Variants in PLD5 observed in about 807,000 individuals in gnomAD.
The protein encoded by PLD5 is inactive phospholipase D5.
PLD5 carries 36 observed loss-of-function variants against 61.1 expected under a neutral mutation model. The ratio of observed to expected loss-of-function variants is 0.59; its 90% CI spans 0.45 to 0.78. PLD5 has a LOEUF of 0.78. Ranked by LOEUF, PLD5 falls within the 30% of genes least tolerant of loss-of-function variation. PLD5 has a pLI of 0.00. For missense variants in PLD5, 515 were observed against 644.4 expected, an observed-to-expected ratio of 0.80 and a Z score of 2.17; for synonymous variants, 243 against 242.8, an observed-to-expected ratio of 1.00 and a Z score of -0.01.
chr1:242,187,908 G>C (rs1041202425), intron 5 of PLD5, among the ~76,000 whole-genome samples: 13 of 152,190 alleles, frequency 8.5e-5, no homozygotes, highest in African/African-American at 3.1e-4. Context: ...TAGAAATACA[G>C]ATAGGAGTGA....
Position 242,213,862 on chromosome 1 carries a change from T to G in PLD5, c.735+6126A>C, listed in dbSNP as rs1394059799. Among the ~76,000 whole-genome samples the G allele has an allele frequency of 2.6e-5, 3 of 115,438 alleles. 1 individual carries two copies. The highest frequency in any genetic ancestry group is 5.1e-4 in the East Asian group (2 of 3,936). 75.7% of individuals were successfully genotyped at this position (115,438 alleles called of 152,430 possible). On this transcript the variant is annotated intron_variant, in intron 5 of 9. Coordinates refer to ENST00000536534, the MANE Select transcript of PLD5 (RefSeq NM_001372062.1). The stretch of plus-strand genomic sequence containing the variant: ...CCAGCACTGTGCTTTCTAGAATGGG[T>G]TTTTTTTTTTTGCTCACATACCGGG...
At chr1:242,485,164 C>T (rs2102968097) in intron 1 of PLD5, among the ~76,000 whole-genome samples, 1 of 152,230 alleles carries the variant, frequency 6.6e-6, no homozygotes, top group Admixed American at 6.5e-5. Flanking sequence ...CAGGGATGCC[C>T]TCTCTCACCA....
chr1:242,172,470 A>C (rs944967229), intron 5 of PLD5, among the ~76,000 whole-genome samples: 1 of 152,222 alleles, frequency 6.6e-6, no homozygotes, highest in Non-Finnish European at 1.5e-5. Context: ...TAAAAGAACT[A>C]GAGAAGCAAG....
intron 9 of PLD5, among the ~76,000 whole-genome samples, chr1:242,097,601 T>A (rs564298827): frequency 6.6e-6 from 1 of 152,220 alleles, no homozygotes; most frequent in South Asian, 2.1e-4. Context: ...GGGGTTGTTT[T>A]TTTCTCGTAA....
At chr1:242,215,524 A>G (rs1670128489) in intron 5 of PLD5, among the ~76,000 whole-genome samples, 1 of 152,190 alleles carries the variant, frequency 6.6e-6, no homozygotes, top group South Asian at 2.1e-4. Flanking sequence ...CTCAAGACAT[A>G]AAACCTGCAG....
chr1:242,212,120 G>A (rs915205168), intron 5 of PLD5, among the ~76,000 whole-genome samples: 3 of 152,074 alleles, frequency 2.0e-5, no homozygotes, highest in Non-Finnish European at 1.5e-5. Flanking sequence ...GGAGAAGGAG[G>A]AAGAACCATC....
chr1:242,158,233 T>C (rs1665543753), intron 5 of PLD5, among the ~76,000 whole-genome samples: 1 of 152,162 alleles, frequency 6.6e-6, no homozygotes, highest in South Asian at 2.1e-4. Context: ...CATTAGATCT[T>C]AGTTTGCTGG....
intron 1 of PLD5, among the ~76,000 whole-genome samples, chr1:242,396,972 CT>C (rs1663618802): frequency 6.6e-6 from 1 of 152,068 alleles, no homozygotes; most frequent in South Asian, 2.1e-4. Flanking sequence ...GCTACCACCC[CT>C]GGTTCTATTT....
intron 5 of PLD5, among the ~76,000 whole-genome samples, chr1:242,213,060 C>T (rs1447478560): frequency 6.6e-6 from 1 of 152,186 alleles, no homozygotes; most frequent in Non-Finnish European, 1.5e-5. Context: ...GACTTACATG[C>T]TATTAATGCC....
intron 2 of PLD5, among the ~76,000 whole-genome samples, chr1:242,334,340 G>A (rs1285671320): frequency 2.0e-5 from 3 of 152,122 alleles, no homozygotes; most frequent in Admixed American, 2.0e-4. Context: ...CATCCCAGCA[G>A]GTTCAGGAAA....
chr1:242,396,972 C>T (rs558302395), intron 1 of PLD5, among the ~76,000 whole-genome samples: 1 of 152,184 alleles, frequency 6.6e-6, no homozygotes, highest in East Asian at 1.9e-4. Context: ...GCTACCACCC[C>T]TGGTTCTATT....
chr1:242,194,590 CTATCTATCTATCTATG>C (rs1335498978), intron 5 of PLD5, among the ~76,000 whole-genome samples: 3 of 73,390 alleles, frequency 4.1e-5, no homozygotes, highest in African/African-American at 6.6e-5. Context: ...ATCTATCTAT[CTATCTATCTATCTATG>C]TATCTATCTA....
intron 1 of PLD5, among the ~76,000 whole-genome samples, chr1:242,393,861 A>C (rs1177572659): frequency 1.4e-5 from 2 of 146,980 alleles, no homozygotes; most frequent in Non-Finnish European, 3.0e-5. Flanking sequence ...GGAGTTCGAG[A>C]CCAGCCTGGC....
intron 5 of PLD5, among the ~76,000 whole-genome samples, chr1:242,158,003 C>CT (rs144921392): frequency 0.11 from 16,473 of 152,230 alleles, 1,428 homozygotes; most frequent in African/African-American, 0.24. Flanking sequence ...CAGAGATGCC[C>CT]TTCCCAGAGG....
intron 1 of PLD5, among the ~76,000 whole-genome samples, chr1:242,391,611 A>G (rs1371235433): frequency 6.6e-6 from 1 of 152,216 alleles, no homozygotes; most frequent in Non-Finnish European, 1.5e-5. Flanking sequence ...TGACCAAAGA[A>G]AAGTTTCCAC....
At chr1:242,301,207 T>A (rs1486058073) in intron 2 of PLD5, among the ~76,000 whole-genome samples, 2 of 152,090 alleles carry the variant, frequency 1.3e-5, no homozygotes, top group Non-Finnish European at 2.9e-5. Flanking sequence ...GCCTGGGTGA[T>A]AAGCCTACCT....
At chr1:242,350,011 T>C (rs1410074314) in intron 1 of PLD5, among the ~76,000 whole-genome samples, 1 of 151,904 alleles carries the variant, frequency 6.6e-6, no homozygotes, top group Non-Finnish European at 1.5e-5. Context: ...GAATAGCCAC[T>C]ACACTCCAGT....
chr1:242,355,476 GATTTT>G (rs1660704748), intron 1 of PLD5, among the ~76,000 whole-genome samples: 1 of 151,490 alleles, frequency 6.6e-6, no homozygotes, highest in Non-Finnish European at 1.5e-5. Context: ...TTTTATTTTT[GATTTT>G]ATTTGAGTCT....
At chr1:242,391,858 CAAAGAACTT>C in intron 1 of PLD5, among the ~76,000 whole-genome samples, 1 of 152,280 alleles carries the variant, frequency 6.6e-6, no homozygotes. Flanking sequence ...AGAGATTTCT[CAAAGAACTT>C]AAAACAGAAC....
Sources: allele counts gnomAD v4.1 joint callset (sites outside exome capture counted in the v4.1 genomes callset), GRCh38; gene constraint gnomAD v4.1.1; transcripts MANE v1.5; gene names NCBI Gene and HGNC (gene_info 2026-07-23, HGNC 2026-07-21).